The following CCDC192 variants were observed in gnomAD, a reference collection of about 807,000 sequenced individuals.
CCDC192 encodes the protein coiled-coil domain-containing protein 192.
chr5:127,873,348 CT>C (rs1289358565), intron 5 of CCDC192, among the ~76,000 whole-genome samples: 2 of 152,176 alleles, frequency 1.3e-5, no homozygotes, highest in African/African-American at 4.8e-5. Flanking sequence ...CTTTCTCCCC[CT>C]AATATCTTAT....
intron 5 of CCDC192, among the ~76,000 whole-genome samples, chr5:127,871,249 A>G (rs980071310): frequency 6.6e-6 from 1 of 152,240 alleles, no homozygotes; most frequent in Non-Finnish European, 1.5e-5. Flanking sequence ...TACCCATCCA[A>G]AGTGAGGAGA....
chr5:127,897,376 C>T (rs1752924584), intron 6 of CCDC192, among the ~76,000 whole-genome samples: 1 of 151,592 alleles, frequency 6.6e-6, no homozygotes, highest in Non-Finnish European at 1.5e-5. Flanking sequence ...CATACTGAAA[C>T]ACTGCAAAAG....
chr5:127,843,591 C>T (rs1238961219), intron 5 of CCDC192, among the ~76,000 whole-genome samples: 1 of 152,046 alleles, frequency 6.6e-6, no homozygotes, highest in East Asian at 1.9e-4. Context: ...GCATGCACTA[C>T]CATGCCTGGC....
rs541694296 is a variant in CCDC192 at position 127,754,313 on chromosome 5, C to T, written c.160C>T (p.Leu54Phe). 5 of 398,624 alleles carry T rather than the reference C, an allele frequency of 1.3e-5. No individual in the cohort carries two copies. The South Asian group carries it at 5.1e-4, about 41-fold the overall frequency. 24.7% of individuals were successfully genotyped at this position (398,624 alleles called of 1,614,324 possible). A position where few individuals can be genotyped will look rare whatever the true frequency, so the allele number is the denominator to read the frequency against. ...TGQMAFTLAQ[L>F]ESLEICLKEA... ...ACAGATGGCGTTTACCTTGGCCCAA[C>T]TTGAGTCCTTGGAGATTTGCCTGAA... The change falls in exon 3 of 7, where the codon CTT (leucine) becomes TTT (phenylalanine). Residue 54 changes from leucine (L) to phenylalanine (F), a missense_variant. Physicochemically the swap from Leu to Phe is conservative, Grantham distance 22. Transcript: ENST00000514853.
chr5:127,879,076 A>G (rs1752241317), intron 6 of CCDC192, among the ~76,000 whole-genome samples: 1 of 151,780 alleles, frequency 6.6e-6, no homozygotes, highest in Non-Finnish European at 1.5e-5. Flanking sequence ...GACTTTGCTG[A>G]AGTTGCTTAT....
At chr5:127,813,223 C>A (rs889464780) in intron 5 of CCDC192, among the ~76,000 whole-genome samples, 3 of 152,112 alleles carry the variant, frequency 2.0e-5, no homozygotes, top group Non-Finnish European at 2.9e-5. Context: ...GTCCCTATTT[C>A]ATTATGTTGT....
At chr5:127,895,798 G>A (rs191690701) in intron 6 of CCDC192, among the ~76,000 whole-genome samples, 5,180 of 151,396 alleles carry the variant, frequency 0.034, 115 homozygotes, top group South Asian at 0.064. Context: ...CTGAGATCAC[G>A]CCACTGCACT....
intron 2 of CCDC192, among the ~76,000 whole-genome samples, chr5:127,738,914 C>T (rs1283782550): frequency 6.6e-6 from 1 of 151,648 alleles, no homozygotes; most frequent in African/African-American, 2.4e-5. Flanking sequence ...CGTCTGAAGC[C>T]TTCTTCCCTC....
chr5:127,892,207 T>C (rs1013680389), intron 6 of CCDC192, among the ~76,000 whole-genome samples: 8 of 152,246 alleles, frequency 5.3e-5, no homozygotes, highest in African/African-American at 1.9e-4. Context: ...AATTATCTGA[T>C]GCTATCATAT....
intron 3 of CCDC192, among the ~76,000 whole-genome samples, chr5:127,762,871 T>C (rs1580615779): frequency 6.6e-6 from 1 of 152,218 alleles, no homozygotes; most frequent in Non-Finnish European, 1.5e-5. Flanking sequence ...GTAAGTTAGG[T>C]ATATGCTTTT....
chr5:127,911,582 C>A (rs544329819), intron 6 of CCDC192, among the ~76,000 whole-genome samples: 3 of 151,874 alleles, frequency 2.0e-5, no homozygotes, highest in Non-Finnish European at 4.4e-5. Flanking sequence ...TACAAAGAGA[C>A]AATTTTTCCT....
chr5:127,756,904 A>T (rs1754631189), intron 3 of CCDC192, among the ~76,000 whole-genome samples: 1 of 152,254 alleles, frequency 6.6e-6, no homozygotes, highest in South Asian at 2.1e-4. Context: ...TTCCTCAGTT[A>T]TAATTTACAA....
chr5:127,831,797 A>G (rs1056011832), intron 5 of CCDC192, among the ~76,000 whole-genome samples: 1 of 152,122 alleles, frequency 6.6e-6, no homozygotes, highest in Non-Finnish European at 1.5e-5. Context: ...TTTAAATATT[A>G]CAATTCACAT....
In CCDC192 at chr5:127,750,431, A is replaced by G. The variant is rs532938121; in HGVS notation, c.115-3837A>G. 5.9e-5 allele frequency among the ~76,000 whole-genome samples: 9 copies of G among 152,198 alleles called. No individual in the cohort carries two copies. The South Asian group carries it at 1.5e-3, about 25-fold the overall frequency. The stretch of plus-strand genomic sequence containing the variant: ...CCATGTAGTTGAGGGGTTTTGAGTG[A>G]GATTCTTAATCCTGAGTTCTAGTTT... On this transcript the variant is annotated intron_variant, in intron 2 of 6. Coordinates refer to ENST00000514853, the MANE Select transcript of CCDC192 (RefSeq NM_001317938.2).
intron 6 of CCDC192, among the ~76,000 whole-genome samples, chr5:127,939,988 A>G (rs530741547): frequency 6.6e-6 from 1 of 152,304 alleles, no homozygotes. Context: ...TGCCTTTTAT[A>G]TAGCTCCGAG....
intron 6 of CCDC192, among the ~76,000 whole-genome samples, chr5:127,937,295 C>T (rs1754213287): frequency 6.6e-6 from 1 of 151,928 alleles, no homozygotes; most frequent in Non-Finnish European, 1.5e-5. Context: ...CTGTCCTCTT[C>T]TTGTGCTATG....
chr5:127,888,325 A>T (rs573331134), intron 6 of CCDC192, among the ~76,000 whole-genome samples: 1 of 151,996 alleles, frequency 6.6e-6, no homozygotes, highest in African/African-American at 2.4e-5. Context: ...CTGAGGCAGG[A>T]GAATCACTTG....
At chr5:127,806,435 C>T (rs780720803) in intron 5 of CCDC192, among the ~76,000 whole-genome samples, 1 of 152,128 alleles carries the variant, frequency 6.6e-6, no homozygotes, top group East Asian at 1.9e-4. Context: ...CCCCAGCTAC[C>T]GTTGCAGGTG....
intron 6 of CCDC192, among the ~76,000 whole-genome samples, chr5:127,908,557 C>T (rs138416272): frequency 9.0e-4 from 137 of 152,204 alleles, no homozygotes; most frequent in Non-Finnish European, 1.5e-3. Flanking sequence ...ATCATGTTGG[C>T]GTTGTCACAT....
Sources: allele counts gnomAD v4.1 joint callset (sites outside exome capture counted in the v4.1 genomes callset), GRCh38; gene constraint gnomAD v4.1.1; transcripts MANE v1.5; gene names NCBI Gene and HGNC (gene_info 2026-07-23, HGNC 2026-07-21).